Variants in EFEMP1 observed in about 807,000 individuals in gnomAD.
The protein encoded by EFEMP1 is EGF-like fibulin extracellular matrix protein 1, also known as EGF-containing fibulin-like extracellular matrix protein 1.
EFEMP1 carries 18 observed loss-of-function variants against 65.7 expected under a neutral mutation model. The ratio of observed to expected loss-of-function variants is 0.27; its 90% CI spans 0.19 to 0.41. The LOEUF is 0.41. EFEMP1 is among the 10% of genes least tolerant of loss of function. The pLI is 1.00. For synonymous variants in EFEMP1, 237 were observed against 219.7 expected, an observed-to-expected ratio of 1.08 and a Z score of -0.70; for missense variants, 469 against 624.8, an observed-to-expected ratio of 0.75 and a Z score of 2.66.
rs151171192 is a variant in EFEMP1 at position 55,881,727 on chromosome 2, G to A, written c.525C>T (p.Asp175=). ...AGTTGTGCGTCCCTGCAGTGCACTCGTCTATGTCTGTCAGAGACATGCAAC... is the reference window on the plus strand; with the variant it reads ...AGTTGTGCGTCCCTGCAGTGCACTCATCTATGTCTGTCAGAGACATGCAAC... ...QSEHNVCQDI[D]ECTAGTHNCR... Residue 175 remains aspartate, a synonymous_variant, in exon 6 of 12, where the codon GAC becomes GAT. Coordinates refer to ENST00000355426, the MANE Select transcript of EFEMP1 (RefSeq NM_001039348.3). 56 of 1,613,750 alleles carry A rather than the reference G, an allele frequency of 3.5e-5. No homozygotes were observed. The highest frequency in any genetic ancestry group is 6.7e-5 in the Admixed American group (4 of 59,966).
chr2:55,867,875 A>G lies in EFEMP1; in HGVS notation c.1321-641T>C, dbSNP rs7426380. On this transcript the variant is annotated intron_variant, in intron 11 of 11. Transcript: ENST00000355426. This position sits in a 1 kb window ranked among gnomAD's most constrained non-coding sequence, Gnocchi z 4.3. ...GTGCAGTTTCATTTTGATGAATAAT[A>G]TGATGGGCTCTTGTGAGTGGAGGGA... Among the ~76,000 whole-genome samples the G allele has an allele frequency of 0.54, 82,664 of 151,912 alleles. 23,761 individuals are homozygous for G. The highest frequency in any genetic ancestry group is 0.9 in the East Asian group (4,620 of 5,162).
At position 55,866,168 on chromosome 2, in the gene EFEMP1, A is replaced by G. The variant is rs956835382; in HGVS notation, c.*905T>C. 2.0e-5 allele frequency: 3 copies of G among 152,218 alleles called. No individual in the cohort carries two copies. Among genetic ancestry groups the G allele is most frequent in the Non-Finnish European group, 2.9e-5 (2 of 68,040 alleles). The allele number at this position is 152,218 out of a possible 1,614,324, so 9.4% of individuals were successfully genotyped here. A position where few individuals can be genotyped will look rare whatever the true frequency, so the allele number is the denominator to read the frequency against. The stretch of plus-strand genomic sequence containing the variant: ...TCTGTGAGCATCAAGTACGAAGATG[A>G]GAAATTTTAGTTATAAATTAGTGAA... On this transcript the variant is annotated 3_prime_UTR_variant, in exon 12 of 12. Coordinates refer to ENST00000355426, the MANE Select transcript of EFEMP1 (RefSeq NM_001039348.3).
intron 5 of EFEMP1, among the ~76,000 whole-genome samples, chr2:55,890,322 A>C (rs1307701164): frequency 6.6e-6 from 1 of 152,108 alleles, no homozygotes; most frequent in African/African-American, 2.4e-5. Flanking sequence ...GGCTCAGTAT[A>C]GACAAATAAA....
rs923302500 is a variant in EFEMP1, at chr2:55,871,454, T to C, written c.1001-331A>G. Among the ~76,000 whole-genome samples, 2 of 152,092 alleles carry C rather than the reference T, an allele frequency of 1.3e-5. No individual in the cohort carries two copies. The highest frequency in any genetic ancestry group is 2.4e-5 in the African/African-American group (1 of 41,424). ...TTCTTGTCATCAGGGACATTATAATTGAGGGAATGTGTATATGATTACTTA... is the reference window on the plus strand; with the variant it reads ...TTCTTGTCATCAGGGACATTATAATCGAGGGAATGTGTATATGATTACTTA... On this transcript the variant is annotated intron_variant, in intron 9 of 11. Coordinates refer to ENST00000355426, the MANE Select transcript of EFEMP1 (RefSeq NM_001039348.3). This position sits in a 1 kb window ranked among gnomAD's most constrained non-coding sequence, Gnocchi z 4.2.
At chr2:55,872,874 A>G (rs144338903) in intron 9 of EFEMP1, among the ~76,000 whole-genome samples, 2,950 of 152,180 alleles carry the variant, frequency 0.019, 56 homozygotes, top group South Asian at 0.079. Context: ...ACTAATACTT[A>G]TTTGTTATAT....
At position 55,866,941 on chromosome 2, in the gene EFEMP1, T is replaced by G; in HGVS notation, c.*132A>C. 1 of 1,153,286 alleles carries G rather than the reference T, an allele frequency of 8.7e-7. No individual in the cohort carries two copies. Among genetic ancestry groups the G allele is most frequent in the Non-Finnish European group, 1.3e-6 (1 of 791,294 alleles). The allele number at this position is 1,153,286 out of a possible 1,614,324, so 71.4% of individuals were successfully genotyped here. A position where few individuals can be genotyped will look rare whatever the true frequency, so the allele number is the denominator to read the frequency against. The stretch of plus-strand genomic sequence containing the variant: ...ATGCCCACTTTATACCATGGTGTAA[T>G]TGTTTGAATTATGGGTGAGTGTACA... On this transcript the variant is annotated 3_prime_UTR_variant, in exon 12 of 12. Transcript: ENST00000355426.
At chr2:55,916,092 T>A (rs983645595) in intron 5 of EFEMP1, among the ~76,000 whole-genome samples, 17 of 151,130 alleles carry the variant, frequency 1.1e-4, no homozygotes, top group Non-Finnish European at 1.8e-4. Context: ...AGTCAGAGCA[T>A]GACAAGTTTC....
intron 5 of EFEMP1, among the ~76,000 whole-genome samples, chr2:55,912,522 T>C (rs564421787): frequency 5.9e-5 from 9 of 152,208 alleles, no homozygotes; most frequent in South Asian, 2.1e-4. Context: ...CAAAGGTAGA[T>C]GTACAGATAA....
intron 8 of EFEMP1, among the ~76,000 whole-genome samples, chr2:55,875,938 G>A (rs1669018411): frequency 6.6e-6 from 1 of 151,064 alleles, no homozygotes; most frequent in Non-Finnish European, 1.5e-5. Context: ...TGGGGTTTGA[G>A]CTTTGTGTAA....
chr2:55,922,604 C>A lies in EFEMP1; in HGVS notation c.-7-157G>T, dbSNP rs1670943789. 5.6e-6 allele frequency: 4 copies of A among 720,554 alleles called. No individual in the cohort carries two copies. The highest frequency in any genetic ancestry group is 9.5e-6 in the Non-Finnish European group (4 of 421,462). The allele number at this position is 720,554 out of a possible 1,614,324, so 44.6% of individuals were successfully genotyped here. ...TGCTTTCTCATCTCCCCTCCCCCTC[C>A]TGAACCTTCTCGGTAGCCAACGAAC... On this transcript the variant is annotated intron_variant, in intron 2 of 11. Coordinates refer to ENST00000355426, the MANE Select transcript of EFEMP1 (RefSeq NM_001039348.3). The surrounding 1 kb of genome is among the most constrained non-coding windows in gnomAD (Gnocchi z 5.5).
At position 55,922,942 on chromosome 2, in the gene EFEMP1, G is replaced by A; in HGVS notation, c.-48-3C>T. ...CTTGCACAGCACAGCAAAAATACCT[G>A]TGAGCCAATATGAATTGCCTTGGCC... On this transcript the variant is annotated splice_polypyrimidine_tract_variant and splice_region_variant and intron_variant, in intron 1 of 11. Transcript: ENST00000355426. The surrounding 1 kb of genome is among the most constrained non-coding windows in gnomAD (Gnocchi z 5.5). 1 of 1,018,760 alleles carries A rather than the reference G, an allele frequency of 9.8e-7. No individual in the cohort carries two copies. The highest frequency in any genetic ancestry group is 1.2e-6 in the Non-Finnish European group (1 of 849,494). 63.1% of individuals were successfully genotyped at this position (1,018,760 alleles called of 1,614,324 possible).
intron 5 of EFEMP1, among the ~76,000 whole-genome samples, chr2:55,895,777 G>A (rs1024196631): frequency 1.3e-5 from 2 of 151,586 alleles, no homozygotes; most frequent in East Asian, 2.0e-4. Context: ...TCCTGACCTC[G>A]TGATCCGCCC....
rs1670893365 is a variant in EFEMP1 at position 55,921,047 on chromosome 2, GC to G, written c.81+1312del. Among the ~76,000 whole-genome samples the G allele has an allele frequency of 6.6e-6, 1 of 152,274 alleles. No individual in the cohort carries two copies. Among genetic ancestry groups the G allele is most frequent in the African/African-American group, 2.4e-5 (1 of 41,552 alleles). On this transcript the variant is annotated intron_variant, in intron 3 of 11. Coordinates refer to ENST00000355426, the MANE Select transcript of EFEMP1 (RefSeq NM_001039348.3). This position sits in a 1 kb window ranked among gnomAD's most constrained non-coding sequence, Gnocchi z 4.1. ...AAAATGAGGAAGATTTAGGTGATTA[GC>G]AAAGGGAAGGGCATAGAAGATAAGC...
At position 55,871,064 on chromosome 2, in the gene EFEMP1, G is replaced by GAT; in HGVS notation, c.1058_1059dup (p.His354IlefsTer19). 1 of 1,613,734 alleles carries GAT rather than the reference G, an allele frequency of 6.2e-7. No individual in the cohort carries two copies. The highest frequency in any genetic ancestry group is 8.5e-7 in the Non-Finnish European group (1 of 1,179,774). Reference sequence around the variant, plus strand: ...CGTGGATAACAACGGAAGCCGCCATGATAATTCCAACACATTTCATCCTCC... The same window carrying GAT: ...CGTGGATAACAACGGAAGCCGCCATGATATAATTCCAACACATTTCATCCTCC... On this transcript the variant is annotated frameshift_variant, in exon 10 of 12. Coordinates refer to ENST00000355426, the MANE Select transcript of EFEMP1 (RefSeq NM_001039348.3). LOFTEE classifies it high-confidence loss of function. This position sits in a 1 kb window ranked among gnomAD's most constrained non-coding sequence, Gnocchi z 4.2.
intron 5 of EFEMP1, among the ~76,000 whole-genome samples, chr2:55,916,132 C>T (rs1670672013): frequency 1.5e-5 from 2 of 131,336 alleles, no homozygotes; most frequent in South Asian, 5.1e-4. Flanking sequence ...TTTTTTGAGA[C>T]AGAGTCTCAC....
intron 6 of EFEMP1, among the ~76,000 whole-genome samples, chr2:55,880,780 T>G (rs1294884958): frequency 6.6e-6 from 1 of 152,220 alleles, no homozygotes; most frequent in African/African-American, 2.4e-5. Flanking sequence ...GTACTGTATT[T>G]TACTTCACTA....
At chr2:55,874,198 T>C (rs932767305) in intron 9 of EFEMP1, among the ~76,000 whole-genome samples, 1 of 152,056 alleles carries the variant, frequency 6.6e-6, no homozygotes, top group African/African-American at 2.4e-5. Flanking sequence ...TTTTGTTGCT[T>C]TGTGTAAATT....
At chr2:55,874,337 C>A (rs1283222161) in intron 9 of EFEMP1, among the ~76,000 whole-genome samples, 1 of 151,344 alleles carries the variant, frequency 6.6e-6, no homozygotes, top group Non-Finnish European at 1.5e-5. Context: ...TTTAGATCTT[C>A]CTGAGAAACT....
chr2:55,893,199 A>G (rs1669698750), intron 5 of EFEMP1, among the ~76,000 whole-genome samples: 1 of 152,154 alleles, frequency 6.6e-6, no homozygotes, highest in African/African-American at 2.4e-5. Context: ...TCTAACAGCT[A>G]GTATTTTTAA....
Sources: allele counts gnomAD v4.1 joint callset (sites outside exome capture counted in the v4.1 genomes callset), GRCh38; gene constraint gnomAD v4.1.1; non-coding constraint Gnocchi (gnomAD v3.1); transcripts MANE v1.5; gene names NCBI Gene and HGNC (gene_info 2026-07-23, HGNC 2026-07-21).